The following PHF21A variants were observed in gnomAD, a reference collection of about 807,000 sequenced individuals.
The protein encoded by PHF21A is BHC80a.
A neutral mutation model predicts 82.5 loss-of-function variants in PHF21A; 11 were observed. The observed-to-expected ratio is 0.13, with a 90% CI of 0.08 to 0.22. The LOEUF is 0.22. Ranked by LOEUF, PHF21A falls within the 10% of genes least tolerant of loss-of-function variation. The pLI is 1.00. For synonymous variants in PHF21A, 297 were observed against 302.8 expected (o/e 0.98, Z 0.20); for missense variants, 579 against 837.8 (o/e 0.69, Z 3.81).
intron 4 of PHF21A, among the ~76,000 whole-genome samples, chr11:46,081,070 G>T (rs1012847051): frequency 6.6e-6 from 1 of 152,166 alleles, no homozygotes; most frequent in Non-Finnish European, 1.5e-5. Flanking sequence ...TGAATAGGTT[G>T]TAATAATCTA....
intron 6 of PHF21A, among the ~76,000 whole-genome samples, chr11:46,019,964 G>T (rs1360676989): frequency 1.3e-5 from 2 of 151,414 alleles, no homozygotes; most frequent in Admixed American, 1.3e-4. Flanking sequence ...TCTTTTAAGG[G>T]CATTTTGCTA....
chr11:46,121,181 A>ACTCTCT lies in PHF21A; in HGVS notation c.-489_-484dup, dbSNP rs60788619. 0.69 allele frequency: 87,565 copies of ACTCTCT among 126,124 alleles called. 31,864 individuals are homozygous for ACTCTCT. Among genetic ancestry groups the ACTCTCT allele is most frequent in the Non-Finnish European group, 0.81 (49,842 of 61,488 alleles). The allele number at this position is 126,124 out of a possible 1,614,324, so 7.8% of individuals were successfully genotyped here. ...CTCTCCTCTCCTCTCTCTCTCACTC[A>ACTCTCT]CTCTCTCTCTCTCTCTCTCTCTGGG... is the stretch of plus-strand genomic sequence containing the variant. On this transcript the variant is annotated 5_prime_UTR_variant, in exon 1 of 19. Coordinates refer to ENST00000676320, the MANE Select transcript of PHF21A (RefSeq NM_001352027.3).
chr11:46,029,114 C>A (rs905916361), intron 6 of PHF21A, among the ~76,000 whole-genome samples: 2 of 152,104 alleles, frequency 1.3e-5, no homozygotes, highest in Non-Finnish European at 2.9e-5. Context: ...TAAGCTAAAC[C>A]TTGTGGAAAT....
At chr11:46,074,393 AT>A (rs2096697513) in intron 6 of PHF21A, among the ~76,000 whole-genome samples, 1 of 151,126 alleles carries the variant, frequency 6.6e-6, no homozygotes, top group Admixed American at 6.6e-5. Flanking sequence ...GGTAATTCAG[AT>A]TTTAGTTATT....
At chr11:45,986,208 A>C (rs1412531376) in intron 6 of PHF21A, among the ~76,000 whole-genome samples, 1 of 151,912 alleles carries the variant, frequency 6.6e-6, no homozygotes, top group African/African-American at 2.4e-5. Context: ...CTAAAAATTT[A>C]GACTTTAGAC....
intron 1 of PHF21A, chr11:46,116,629 T>C (rs2097293034): frequency 6.6e-6 from 1 of 151,754 alleles, no homozygotes. Flanking sequence ...GCTTCAAAAC[T>C]ATAACAAAGA....
chr11:46,000,649 G>C (rs950841863), intron 6 of PHF21A, among the ~76,000 whole-genome samples: 26 of 152,154 alleles, frequency 1.7e-4, no homozygotes, highest in African/African-American at 6.0e-4. Flanking sequence ...GCTGGGCATG[G>C]TGTCTCACGT....
At chr11:46,101,386 T>C (rs924060629) in intron 1 of PHF21A, among the ~76,000 whole-genome samples, 9 of 152,246 alleles carry the variant, frequency 5.9e-5, no homozygotes, top group Admixed American at 3.3e-4. Context: ...AGTGCATGTT[T>C]TGAAAACACA....
At chr11:46,098,926 T>C (rs1304330363) in intron 1 of PHF21A, among the ~76,000 whole-genome samples, 9 of 152,144 alleles carry the variant, frequency 5.9e-5, no homozygotes, top group Admixed American at 5.9e-4. Context: ...CTGGGAGTTG[T>C]TCGCTCAGAA....
In PHF21A at chr11:45,965,501, G is replaced by A; in HGVS notation, c.810C>T (p.Phe270=). Residue 270 remains phenylalanine, a synonymous_variant, in exon 10 of 19, where the codon TTC becomes TTT. Coordinates refer to ENST00000676320, the MANE Select transcript of PHF21A (RefSeq NM_001352027.3). ...LIQRPVMLTK[F]TPTTLPTSQN... Reference sequence around the variant, plus strand: ...GGGATGTGGGAAGGGTTGTGGGGGTGAACTTGGTCAGCATGACGGGCCTCT... The same window carrying A: ...GGGATGTGGGAAGGGTTGTGGGGGTAAACTTGGTCAGCATGACGGGCCTCT... 1 of 1,613,218 alleles carries A rather than the reference G, an allele frequency of 6.2e-7. No homozygotes were observed. Among genetic ancestry groups the A allele is most frequent in the Non-Finnish European group, 8.5e-7 (1 of 1,179,500 alleles).
At chr11:45,970,252 G>A (rs909117745) in intron 8 of PHF21A, 9 of 252,434 alleles carry the variant, frequency 3.6e-5, no homozygotes, top group Non-Finnish European at 6.9e-5. Flanking sequence ...TTGCTGCTTA[G>A]CCAAATAGGC....
intron 6 of PHF21A, among the ~76,000 whole-genome samples, chr11:46,029,291 T>C (rs1353290408): frequency 6.6e-6 from 1 of 152,182 alleles, no homozygotes; most frequent in Non-Finnish European, 1.5e-5. Context: ...ACATAATAGG[T>C]TCCCAAAACA....
At chr11:46,106,499 G>A (rs926140176) in intron 1 of PHF21A, among the ~76,000 whole-genome samples, 5 of 152,154 alleles carry the variant, frequency 3.3e-5, no homozygotes, top group African/African-American at 1.2e-4. Context: ...GTTGGGGGTT[G>A]GGGGAAGTAA....
chr11:46,101,356 A>G (rs2097093330), intron 1 of PHF21A, among the ~76,000 whole-genome samples: 1 of 152,244 alleles, frequency 6.6e-6, no homozygotes, highest in Non-Finnish European at 1.5e-5. Flanking sequence ...TCCTTTGAGT[A>G]TACCAATGTA....
intron 6 of PHF21A, among the ~76,000 whole-genome samples, chr11:46,065,440 A>G (rs887492779): frequency 1.3e-5 from 2 of 152,244 alleles, no homozygotes; most frequent in Non-Finnish European, 2.9e-5. Flanking sequence ...CATGCTGAGC[A>G]TGGCAGTGCT....
At chr11:45,977,636 A>G (rs972065730) in intron 7 of PHF21A, among the ~76,000 whole-genome samples, 1 of 152,192 alleles carries the variant, frequency 6.6e-6, no homozygotes, top group Non-Finnish European at 1.5e-5. Flanking sequence ...TCCTCTAAAC[A>G]TTCTTTCAGA....
Position 45,979,753 on chromosome 11 carries a change from C to A in PHF21A, c.360+7G>T. 1 of 1,613,500 alleles carries A rather than the reference C, an allele frequency of 6.2e-7. No homozygotes were observed. Among genetic ancestry groups the A allele is most frequent in the Non-Finnish European group, 8.5e-7 (1 of 1,180,038 alleles). ...TGCAGCCTGCAATGTTCCATCCACA[C>A]ATTTACCTGTGAAGCAGTCAGGTTG... On this transcript the variant is annotated splice_region_variant and intron_variant, in intron 7 of 18. Coordinates refer to ENST00000676320, the MANE Select transcript of PHF21A (RefSeq NM_001352027.3).
chr11:46,051,325 T>C (rs1049669134), intron 6 of PHF21A, among the ~76,000 whole-genome samples: 1 of 152,180 alleles, frequency 6.6e-6, no homozygotes, highest in African/African-American at 2.4e-5. Context: ...GCAGGTGGCA[T>C]GTCATTTCAG....
At chr11:46,094,363 G>A (rs183370084) in intron 1 of PHF21A, among the ~76,000 whole-genome samples, 21 of 152,154 alleles carry the variant, frequency 1.4e-4, no homozygotes, top group African/African-American at 4.1e-4. Context: ...AATCAAACCC[G>A]GAAAAGTTAA....
Sources: gnomAD v4.1 joint callset for allele counts (sites outside exome capture counted in the v4.1 genomes callset) on GRCh38, gnomAD v4.1.1 for gene constraint, MANE v1.5 for transcripts, NCBI Gene and HGNC (gene_info 2026-07-23, HGNC 2026-07-21) for gene names.